Variants in SLC26A7 observed in about 807,000 individuals in gnomAD.
SLC26A7 encodes the protein anion exchange transporter.
In SLC26A7, 59 loss-of-function variants were observed where a neutral mutation model predicts 82.5. The observed-to-expected ratio is 0.72, with a 90% CI of 0.58 to 0.89. The LOEUF (loss-of-function observed/expected upper bound fraction) is 0.89, where lower values mean the gene tolerates loss of function less well. SLC26A7 is among the 40% of genes least tolerant of loss of function. The pLI, the probability that SLC26A7 is intolerant of heterozygous loss-of-function variation, is 0.00. For synonymous variants in SLC26A7, 271 were observed against 274.3 expected, an observed-to-expected ratio of 0.99 and a Z score of 0.12; for missense variants, 820 against 793.0, an observed-to-expected ratio of 1.03 and a Z score of -0.41.
intron 2 of SLC26A7, among the ~76,000 whole-genome samples, chr8:91,230,810 C>G (rs1810300870): frequency 6.6e-6 from 1 of 152,060 alleles, no homozygotes; most frequent in African/African-American, 2.4e-5. Flanking sequence ...AAAGTGATGG[C>G]AACAACACGG....
chr8:91,394,716 T>C, intron 18 of SLC26A7: 1 of 1,110,240 alleles, frequency 9.0e-7, no homozygotes, highest in Non-Finnish European at 1.1e-6. Flanking sequence ...TAACATATAT[T>C]GAGTGCCCTC....
intron 5 of SLC26A7, among the ~76,000 whole-genome samples, chr8:91,322,044 AT>A (rs1306497952): frequency 2.6e-5 from 4 of 152,128 alleles, no homozygotes; most frequent in South Asian, 2.1e-4. Flanking sequence ...AAAATTATGC[AT>A]TTTTTAAGTG....
At chr8:91,387,177 A>G (rs79318080) in intron 15 of SLC26A7, among the ~76,000 whole-genome samples, 7,955 of 152,222 alleles carry the variant, frequency 0.052, 291 homozygotes, top group African/African-American at 0.11. Flanking sequence ...TACTCTCTGC[A>G]TAGAGTATTT....
intron 2 of SLC26A7, among the ~76,000 whole-genome samples, chr8:91,220,112 A>C (rs1035240101): frequency 6.6e-6 from 1 of 152,156 alleles, no homozygotes; most frequent in African/African-American, 2.4e-5. Flanking sequence ...GAGCACAGCA[A>C]AGAGATCCTC....
intron 11 of SLC26A7, among the ~76,000 whole-genome samples, chr8:91,355,067 G>A (rs1429964850): frequency 6.6e-6 from 1 of 152,098 alleles, no homozygotes; most frequent in African/African-American, 2.4e-5. Context: ...TTTTGACTGA[G>A]TGTAAAATGC....
chr8:91,305,794 A>G (rs947222944), intron 4 of SLC26A7, among the ~76,000 whole-genome samples: 2 of 152,218 alleles, frequency 1.3e-5, no homozygotes, highest in African/African-American at 4.8e-5. Context: ...AGTAATGTGT[A>G]CTTGGCTCAT....
At chr8:91,234,819 AC>A (rs879379956) in intron 2 of SLC26A7, among the ~76,000 whole-genome samples, 4,334 of 103,608 alleles carry the variant, frequency 0.042, 65 homozygotes, top group Middle Eastern at 0.16. Flanking sequence ...CTACCTACCT[AC>A]CTACCTACTT....
At chr8:91,210,607 A>G (rs1037574871) in intron 1 of SLC26A7, among the ~76,000 whole-genome samples, 2 of 151,062 alleles carry the variant, frequency 1.3e-5, no homozygotes, top group African/African-American at 4.9e-5. Flanking sequence ...GTTAACATCA[A>G]TCATCACTGA....
rs116853158 is a variant in SLC26A7, at chr8:91,320,638, G to A, written c.642+2258G>A. Among the ~76,000 whole-genome samples the A allele has an allele frequency of 5.2e-3, 790 of 152,268 alleles. 1 individual carries two copies. Among genetic ancestry groups the A allele is most frequent in the Non-Finnish European group, 8.5e-3 (577 of 68,022 alleles). ...ACTTAGGCTGAGAGAATCTCATGAT[G>A]GCTACACTTGCCACTGGATCATTTA... On this transcript the variant is annotated intron_variant, in intron 5 of 18. Coordinates refer to ENST00000276609, the MANE Select transcript of SLC26A7 (RefSeq NM_052832.4).
chr8:91,231,728 C>A (rs1810313120), intron 2 of SLC26A7, among the ~76,000 whole-genome samples: 1 of 152,026 alleles, frequency 6.6e-6, no homozygotes. Flanking sequence ...GGTTTCTGAT[C>A]TCCAGGCAGG....
At chr8:91,220,566 C>T (rs942596461) in intron 2 of SLC26A7, among the ~76,000 whole-genome samples, 2 of 151,872 alleles carry the variant, frequency 1.3e-5, no homozygotes, top group Admixed American at 6.6e-5. Context: ...GTGTTCTCAA[C>T]GTTCAACTCC....
In SLC26A7 at chr8:91,369,776, T is replaced by A; in HGVS notation, c.1627-9T>A. On this transcript the variant is annotated splice_polypyrimidine_tract_variant and intron_variant, in intron 14 of 18. Transcript: ENST00000276609. ...ACATTTTTCTTCTTTATGTTTGTTT[T>A]TATTTTAGTGTGAACAAAACACATT... 1 of 1,570,678 alleles carries A rather than the reference T, an allele frequency of 6.4e-7. No homozygotes were observed. Among genetic ancestry groups the A allele is most frequent in the Non-Finnish European group, 8.6e-7 (1 of 1,159,238 alleles).
intron 4 of SLC26A7, among the ~76,000 whole-genome samples, chr8:91,308,128 A>G (rs1812374106): frequency 6.6e-6 from 1 of 152,050 alleles, no homozygotes; most frequent in Non-Finnish European, 1.5e-5. Flanking sequence ...TAAATTTTTA[A>G]TTATCTTGAC....
At chr8:91,353,257 G>A (rs1813770691) in intron 11 of SLC26A7, among the ~76,000 whole-genome samples, 1 of 152,088 alleles carries the variant, frequency 6.6e-6, no homozygotes, top group Non-Finnish European at 1.5e-5. Context: ...AATTTCAGTG[G>A]ATTTGGGATG....
chr8:91,219,034 A>T, intron 2 of SLC26A7: 2 of 1,232,842 alleles, frequency 1.6e-6, no homozygotes, highest in Non-Finnish European at 2.3e-6. Flanking sequence ...GCCTCACTCC[A>T]CTTGCCCTGT....
chr8:91,301,837 T>A (rs143812128), intron 4 of SLC26A7, among the ~76,000 whole-genome samples: 16 of 152,126 alleles, frequency 1.1e-4, no homozygotes, highest in African/African-American at 3.9e-4. Context: ...AAGCACATAG[T>A]GCTATGAATT....
At chr8:91,225,982 C>G (rs1275841906) in intron 2 of SLC26A7, among the ~76,000 whole-genome samples, 1 of 152,156 alleles carries the variant, frequency 6.6e-6, no homozygotes, top group Non-Finnish European at 1.5e-5. Context: ...AACTACATCC[C>G]TGAGGTCCAT....
intron 15 of SLC26A7, among the ~76,000 whole-genome samples, chr8:91,383,297 GA>G (rs1814714174): frequency 6.6e-6 from 1 of 152,114 alleles, no homozygotes. Flanking sequence ...CTCAAACTGG[GA>G]ATAATAGGGA....
chr8:91,395,020 T>C (rs1464831636), intron 18 of SLC26A7, 42 bp from the exon 19 acceptor site: 1 of 1,589,918 alleles, frequency 6.3e-7, no homozygotes, highest in Non-Finnish European at 8.6e-7. Flanking sequence ...ATTTAAGAGT[T>C]GAGTAAATAG....
Sources: gnomAD v4.1 joint callset for allele counts (sites outside exome capture counted in the v4.1 genomes callset) on GRCh38, gnomAD v4.1.1 for gene constraint, MANE v1.5 for transcripts, NCBI Gene and HGNC (gene_info 2026-07-23, HGNC 2026-07-21) for gene names.